Variants in GALNT14 observed in about 807,000 individuals in gnomAD.
The protein encoded by GALNT14 is polypeptide N-acetylgalactosaminyltransferase 14.
Under a neutral mutation model 77.5 loss-of-function variants are expected in GALNT14, and 60 were observed. The observed-to-expected ratio is 0.77, with a 90% CI of 0.63 to 0.96. The LOEUF is 0.96. Among genes scored for constraint, GALNT14 ranks in the 40% least tolerant of loss-of-function variants. The pLI is 0.00. For synonymous variants in GALNT14, 280 were observed against 281.7 expected (o/e 0.99, Z 0.06); for missense variants, 710 against 731.0 (o/e 0.97, Z 0.33).
intron 6 of GALNT14, among the ~76,000 whole-genome samples, chr2:30,947,615 A>G (rs1243171354): frequency 6.6e-6 from 1 of 152,204 alleles, no homozygotes; most frequent in Non-Finnish European, 1.5e-5. Flanking sequence ...GCAGCCCATC[A>G]AAACCAGCAG....
chr2:31,051,863 G>A (rs1673892146), intron 1 of GALNT14, among the ~76,000 whole-genome samples: 1 of 152,170 alleles, frequency 6.6e-6, no homozygotes, highest in African/African-American at 2.4e-5. Context: ...GTACTCAAAA[G>A]TGACAGCAAA....
At chr2:30,991,911 T>C (rs116561181) in intron 2 of GALNT14, among the ~76,000 whole-genome samples, 3,640 of 152,228 alleles carry the variant, frequency 0.024, 149 homozygotes, top group African/African-American at 0.077. Context: ...GTTTCCACAA[T>C]GTGAGTACCC....
chr2:31,025,472 G>C lies in GALNT14; in HGVS notation c.130-32465C>G, dbSNP rs148663684. Among the ~76,000 whole-genome samples the C allele has an allele frequency of 6.7e-3, 1,020 of 152,296 alleles. 9 individuals carry two copies. The highest frequency in any genetic ancestry group is 9.6e-3 in the Non-Finnish European group (652 of 68,020). ...CAAGTGACAAGCTAAGGAGGCCACT[G>C]GAATTGTCTAGATGTGGATTAAAAG... On this transcript the variant is annotated intron_variant, in intron 1 of 14. Coordinates refer to ENST00000349752, the MANE Select transcript of GALNT14 (RefSeq NM_024572.4).
chr2:30,923,806 CCA>C, intron 13 of GALNT14, among the ~76,000 whole-genome samples: 1 of 152,300 alleles, frequency 6.6e-6, no homozygotes, highest in Admixed American at 6.5e-5. Context: ...CTGACCCTGC[CCA>C]CGGTTGCTGC....
At chr2:30,974,975 C>T (rs940964335) in intron 2 of GALNT14, among the ~76,000 whole-genome samples, 1 of 152,194 alleles carries the variant, frequency 6.6e-6, no homozygotes, top group Non-Finnish European at 1.5e-5. Context: ...CTATGGGTGA[C>T]ACCCTCACAG....
chr2:30,998,105 G>A lies in GALNT14; in HGVS notation c.130-5098C>T, dbSNP rs559682498. 1.8e-4 allele frequency among the ~76,000 whole-genome samples: 28 copies of A among 152,356 alleles called. No individual in the cohort carries two copies. The South Asian group carries it at 5.6e-3, about 30-fold the overall frequency. On this transcript the variant is annotated intron_variant, in intron 1 of 14. Coordinates refer to ENST00000349752, the MANE Select transcript of GALNT14 (RefSeq NM_024572.4). ...TGCTAAGCGAAATAAGCCAGGCACA[G>A]AAAGACTAAGACATAATCTTTTCAA... is the stretch of plus-strand genomic sequence containing the variant.
chr2:31,051,590 T>C (rs11124237), intron 1 of GALNT14, among the ~76,000 whole-genome samples: 59,492 of 152,016 alleles, frequency 0.39, 11,995 homozygotes, highest in East Asian at 0.55. Flanking sequence ...GTCCCCACAA[T>C]TGCATGAGCT....
rs569242908 is a variant in GALNT14 at position 31,041,478 on chromosome 2, CTACCTGTCACACT to C, written c.130-48484_130-48472del. Among the ~76,000 whole-genome samples, 3 of 152,162 alleles carry C rather than the reference CTACCTGTCACACT, an allele frequency of 2.0e-5. No homozygotes were observed. In the South Asian group the frequency reaches 6.2e-4, roughly 32 times the overall value. On this transcript the variant is annotated intron_variant, in intron 1 of 14. Coordinates refer to ENST00000349752, the MANE Select transcript of GALNT14 (RefSeq NM_024572.4). The stretch of plus-strand genomic sequence containing the variant: ...CCAGGGGAGATGAAGATACAGGGTC[CTACCTGTCACACT>C]CAGGGCTGCAGGGGTAGAGTAAAAG...
At chr2:31,115,442 C>T (rs190260930) in intron 1 of GALNT14, among the ~76,000 whole-genome samples, 99 of 152,086 alleles carry the variant, frequency 6.5e-4, no homozygotes, top group Middle Eastern at 3.4e-3. Flanking sequence ...TGAACTCAAA[C>T]AAAAATCTCA....
At chr2:30,998,863 T>C (rs1670194047) in intron 1 of GALNT14, among the ~76,000 whole-genome samples, 2 of 152,198 alleles carry the variant, frequency 1.3e-5, no homozygotes, top group African/African-American at 4.8e-5. Flanking sequence ...AAAGACTCAC[T>C]ATCTGTGCAT....
rs141111423 is a variant in GALNT14 at position 30,968,561 on chromosome 2, A to C, written c.300-2259T>G. 4.8e-3 allele frequency among the ~76,000 whole-genome samples: 733 copies of C among 152,324 alleles called. 8 individuals carry two copies. Among genetic ancestry groups the C allele is most frequent in the African/African-American group, 0.017 (715 of 41,580 alleles). On this transcript the variant is annotated intron_variant, in intron 2 of 14. Transcript: ENST00000349752. ...GAGAGGAACTGTGGCCACCTGCTGA[A>C]GGCTGGCACCAACTTGCCAGCCACA...
chr2:31,054,070 C>T (rs1449463675), intron 1 of GALNT14, among the ~76,000 whole-genome samples: 1 of 152,220 alleles, frequency 6.6e-6, no homozygotes, highest in Admixed American at 6.5e-5. Flanking sequence ...GGCTCTGTGG[C>T]TATCAGGGAG....
Position 30,942,447 on chromosome 2 carries a change from C to T in GALNT14, c.828-143G>A, listed in dbSNP as rs1002504613. 1.3e-5 allele frequency: 8 copies of T among 625,276 alleles called. No individual in the cohort carries two copies. The East Asian group carries it at 1.7e-4, about 13-fold the overall frequency. The allele number at this position is 625,276 out of a possible 1,614,324, so 38.7% of individuals were successfully genotyped here. On this transcript the variant is annotated intron_variant, in intron 8 of 14. Transcript: ENST00000349752. The stretch of plus-strand genomic sequence containing the variant: ...GAGGGAAGAAAACTCTCATTTTCTT[C>T]CCATTTCTGTTCCTCTCGAGAAGGG...
intron 1 of GALNT14, among the ~76,000 whole-genome samples, chr2:31,090,979 A>C (rs1344153073): frequency 1.3e-5 from 2 of 152,156 alleles, no homozygotes; most frequent in Non-Finnish European, 2.9e-5. Flanking sequence ...AAATATTTTC[A>C]CTTTTAAACC....
intron 1 of GALNT14, among the ~76,000 whole-genome samples, chr2:31,058,287 G>C (rs1674364076): frequency 6.6e-6 from 1 of 152,042 alleles, no homozygotes; most frequent in Non-Finnish European, 1.5e-5. Flanking sequence ...AGGGAACCAC[G>C]GCACCCACCT....
rs974163463 is a variant in GALNT14, at chr2:30,918,970, C to T, written c.1380+5149G>A. ...CACACCTCGAGGCACCAGTGCCAGTCCAGATTAGGGGGAGACTTTATCTTC... is the reference window on the plus strand; with the variant it reads ...CACACCTCGAGGCACCAGTGCCAGTTCAGATTAGGGGGAGACTTTATCTTC... On this transcript the variant is annotated intron_variant, in intron 13 of 14. Transcript: ENST00000349752. Among the ~76,000 whole-genome samples the T allele has an allele frequency of 4.6e-5, 7 of 152,132 alleles. No homozygotes were observed. The East Asian group carries it at 1.4e-3, about 29-fold the overall frequency.
At chr2:30,909,692 C>A (rs1664251571), downstream of GALNT14, among the ~76,000 whole-genome samples, 1 of 152,026 alleles carries the variant, frequency 6.6e-6, no homozygotes, top group East Asian at 1.9e-4. Flanking sequence ...CCATTTGACC[C>A]AGCCATCCCA....
At chr2:30,954,630 C>CT (rs1421016047) in intron 6 of GALNT14, among the ~76,000 whole-genome samples, 1 of 152,188 alleles carries the variant, frequency 6.6e-6, no homozygotes, top group Non-Finnish European at 1.5e-5. Flanking sequence ...GAAGGATTTC[C>CT]TTGTTTTCTT....
At chr2:30,893,199 A>C in the GALNT14 span, among the ~76,000 whole-genome samples, 3 of 152,222 alleles carry the variant, frequency 2.0e-5, no homozygotes, top group Non-Finnish European at 4.4e-5. Flanking sequence ...GATGTTTACT[A>C]TGCAGCACAT....
Sources: allele counts gnomAD v4.1 joint callset (sites outside exome capture counted in the v4.1 genomes callset), GRCh38; gene constraint gnomAD v4.1.1; transcripts MANE v1.5; gene names NCBI Gene and HGNC (gene_info 2026-07-23, HGNC 2026-07-21).